PHF14: variants seen among roughly 807,000 people sequenced by gnomAD.
The protein encoded by PHF14 is PHD finger protein 14.
PHF14 carries 55 observed loss-of-function variants against 117.9 expected under a neutral mutation model. The ratio of observed to expected loss-of-function variants is 0.47; its 90% CI spans 0.38 to 0.58. The LOEUF (loss-of-function observed/expected upper bound fraction) is 0.58. PHF14 is among the 20% of genes least tolerant of loss of function. The pLI is 0.00. For synonymous variants in PHF14, 409 were observed against 368.6 expected (o/e 1.11, Z -1.26); for missense variants, 978 against 1,122.2 (o/e 0.87, Z 1.84).
rs1015791221 is a variant in PHF14, at chr7:11,133,835, G to T, written c.2772+22368G>T. ...TGCTTATCTACTAAACACAACAATT[G>T]CAGTATGCAGTGATAGAAAAGGAAG... On this transcript the variant is annotated intron_variant, in intron 17 of 17. Transcript: ENST00000634607. 2.0e-5 allele frequency among the ~76,000 whole-genome samples: 3 copies of T among 152,030 alleles called. No homozygotes were observed. In the South Asian group the frequency reaches 6.2e-4, roughly 32 times the overall value.
At chr7:11,070,934 ATTTGT>A (rs951558821) in intron 16 of PHF14, among the ~76,000 whole-genome samples, 3 of 152,182 alleles carry the variant, frequency 2.0e-5, no homozygotes, top group South Asian at 2.1e-4. Context: ...ATAGTTCCTG[ATTTGT>A]TTTATTTTTG....
At chr7:11,152,340 G>A (rs982514124) in intron 17 of PHF14, among the ~76,000 whole-genome samples, 4 of 152,056 alleles carry the variant, frequency 2.6e-5, no homozygotes, top group African/African-American at 9.7e-5. Flanking sequence ...TGTGACCAAG[G>A]GCAGTTCCTG....
chr7:11,114,684 A>C (rs1469579639), intron 17 of PHF14, among the ~76,000 whole-genome samples: 1 of 152,132 alleles, frequency 6.6e-6, no homozygotes. Context: ...TTTGAGTTTC[A>C]TAAAAAATAG....
intron 5 of PHF14, among the ~76,000 whole-genome samples, chr7:11,018,224 T>G (rs1156448095): frequency 6.6e-6 from 1 of 152,172 alleles, no homozygotes. Context: ...TAGCTTTGGC[T>G]CTTCTGGGTC....
intron 13 of PHF14, among the ~76,000 whole-genome samples, chr7:11,046,359 CT>C (rs1016326763): frequency 4.3e-4 from 65 of 152,170 alleles, no homozygotes; most frequent in African/African-American, 1.5e-3. Context: ...CTTGTGTTGC[CT>C]TTTCCAATTG....
At chr7:10,990,055 T>C in intron 3 of PHF14, among the ~76,000 whole-genome samples, 1 of 152,012 alleles carries the variant, frequency 6.6e-6, no homozygotes. Flanking sequence ...TGGATCCTTT[T>C]TTAGATTATT....
chr7:11,091,935 T>C (rs1173889423), intron 16 of PHF14, among the ~76,000 whole-genome samples: 4 of 152,162 alleles, frequency 2.6e-5, no homozygotes, highest in African/African-American at 9.7e-5. Context: ...TCATGCTCTG[T>C]AAGAATGGAA....
chr7:11,068,247 A>T (rs1320064834), intron 16 of PHF14, among the ~76,000 whole-genome samples: 1 of 146,822 alleles, frequency 6.8e-6, no homozygotes, highest in East Asian at 2.2e-4. Flanking sequence ...GCTACTTGGG[A>T]GGCTGAGGCA....
At position 10,983,009 on chromosome 7, in the gene PHF14, G is replaced by C. The variant is rs1782095543; in HGVS notation, c.750G>C (p.Glu250Asp). 1 of 1,583,776 alleles carries C rather than the reference G, an allele frequency of 6.3e-7. No homozygotes were observed. Among genetic ancestry groups the C allele is most frequent in the Non-Finnish European group, 8.6e-7 (1 of 1,167,172 alleles). ...EDEGSGSDEDENDEGNDEDHS... is the reference protein window; with the variant it reads ...EDEGSGSDEDDNDEGNDEDHS... ...AGGGAAGCGGGAGTGATGAAGACGA[G>C]AATGATGAAGGCAATGATGAAGATC... Residue 250 changes from glutamate to aspartate, a missense_variant, in exon 3 of 18, where the codon GAG (glutamate) becomes GAC (aspartate). Physicochemically the swap from Glu to Asp is conservative, Grantham distance 45. Transcript: ENST00000634607.
intron 13 of PHF14, among the ~76,000 whole-genome samples, chr7:11,047,209 C>T (rs1784697166): frequency 6.6e-6 from 1 of 151,952 alleles, no homozygotes; most frequent in African/African-American, 2.4e-5. Flanking sequence ...CCTGGGACTA[C>T]AGGCGCGTGC....
chr7:11,023,985 A>C (rs1783824546), intron 6 of PHF14, among the ~76,000 whole-genome samples: 1 of 152,234 alleles, frequency 6.6e-6, no homozygotes, highest in Admixed American at 6.5e-5. Flanking sequence ...GTAGGCCAAA[A>C]GCTGGGCCTC....
intron 3 of PHF14, among the ~76,000 whole-genome samples, chr7:10,989,613 A>G (rs1456532149): frequency 2.0e-5 from 3 of 152,310 alleles, no homozygotes; most frequent in Non-Finnish European, 2.9e-5. Context: ...TTTAAATATT[A>G]GTTTATTAAT....
At chr7:10,980,086 A>G (rs1562558926) in intron 2 of PHF14, among the ~76,000 whole-genome samples, 1 of 152,180 alleles carries the variant, frequency 6.6e-6, no homozygotes, top group Admixed American at 6.6e-5. Context: ...ATTGGCAACT[A>G]CCAAAACAAA....
intron 17 of PHF14, among the ~76,000 whole-genome samples, chr7:11,142,882 T>G (rs1219995086): frequency 1.3e-5 from 2 of 152,168 alleles, no homozygotes; most frequent in Non-Finnish European, 2.9e-5. Flanking sequence ...TAATGGTTAA[T>G]TGGCTAATAT....
intron 13 of PHF14, among the ~76,000 whole-genome samples, chr7:11,049,142 T>G (rs1175139862): frequency 6.6e-6 from 1 of 152,144 alleles, no homozygotes; most frequent in Non-Finnish European, 1.5e-5. Flanking sequence ...TAACATTATG[T>G]TTGCCTGTTA....
intron 11 of PHF14, among the ~76,000 whole-genome samples, chr7:11,040,076 A>G (rs1784449820): frequency 6.6e-6 from 1 of 152,168 alleles, no homozygotes; most frequent in South Asian, 2.1e-4. Flanking sequence ...TTGCAAATGT[A>G]AAATACACAG....
intron 17 of PHF14, among the ~76,000 whole-genome samples, chr7:11,126,023 G>A (rs1003705798): frequency 1.3e-5 from 2 of 151,990 alleles, no homozygotes; most frequent in Admixed American, 6.6e-5. Flanking sequence ...GTTCACTTTC[G>A]TGTTCTTGAG....
rs745734771 is a variant in PHF14, at chr7:11,111,381, G to T, written c.2686G>T (p.Gly896Cys). 2.5e-6 allele frequency: 4 copies of T among 1,605,298 alleles called. No homozygotes were observed. The highest frequency in any genetic ancestry group is 3.4e-6 in the Non-Finnish European group (4 of 1,174,042). ...CDECRLCYHF[G>C]CLDPPLKKSP... ...TGAATGCAGACTCTGCTACCATTTT[G>T]GCTGTTTGGATCCTCCTTTGAAAAA... Residue 896 changes from glycine (G) to cysteine (C), a missense_variant, in exon 17 of 18, where the codon GGC becomes TGC. Coordinates refer to ENST00000634607, the MANE Select transcript of PHF14 (RefSeq NM_001007157.2).
At chr7:11,008,762 G>A (rs749657082) in intron 4 of PHF14, among the ~76,000 whole-genome samples, 8 of 152,098 alleles carry the variant, frequency 5.3e-5, no homozygotes, top group Middle Eastern at 3.4e-3. Flanking sequence ...TTGGCCGGGC[G>A]CGGTGGCTCA....
Sources: allele counts gnomAD v4.1 joint callset (sites outside exome capture counted in the v4.1 genomes callset), GRCh38; gene constraint gnomAD v4.1.1; transcripts MANE v1.5; gene names NCBI Gene and HGNC (gene_info 2026-07-23, HGNC 2026-07-21).